The following ANKRD31 variants were observed in gnomAD, a reference collection of about 807,000 sequenced individuals.
ANKRD31 encodes ankyrin repeat domain 31, also known as ankyrin repeat domain-containing protein 31.
A neutral mutation model predicts 186.0 loss-of-function variants in ANKRD31; 147 were observed. That is an observed-to-expected ratio of 0.79 (90% CI 0.69 to 0.91). The LOEUF (loss-of-function observed/expected upper bound fraction) is 0.91, where lower values mean the gene tolerates loss of function less well. Among genes scored for constraint, ANKRD31 ranks in the 40% least tolerant of loss-of-function variants. The pLI is 0.00. For synonymous variants in ANKRD31, 673 were observed against 736.4 expected, an observed-to-expected ratio of 0.91 and a Z score of 1.39; for missense variants, 1,986 against 2,148.8, an observed-to-expected ratio of 0.92 and a Z score of 1.50.
At chr5:75,220,519 G>A (rs1169802637) in intron 3 of ANKRD31, among the ~76,000 whole-genome samples, 3 of 151,980 alleles carry the variant, frequency 2.0e-5, no homozygotes, top group South Asian at 2.1e-4. Flanking sequence ...GTGCATGCCT[G>A]TAATTCCAGC....
At chr5:75,099,858 CT>C (rs1470256545) in intron 22 of ANKRD31, among the ~76,000 whole-genome samples, 1 of 152,098 alleles carries the variant, frequency 6.6e-6, no homozygotes, top group African/African-American at 2.4e-5. Flanking sequence ...TTTTGTTGAT[CT>C]TTTCAAAAAA....
At chr5:75,173,131 A>T (rs1753482034) in intron 10 of ANKRD31, among the ~76,000 whole-genome samples, 1 of 152,182 alleles carries the variant, frequency 6.6e-6, no homozygotes, top group Non-Finnish European at 1.5e-5. Flanking sequence ...AACCACTGAC[A>T]CAAACCCCAT....
chr5:75,155,504 G>C (rs1020035635), intron 11 of ANKRD31, among the ~76,000 whole-genome samples: 1 of 152,080 alleles, frequency 6.6e-6, no homozygotes, highest in African/African-American at 2.4e-5. Flanking sequence ...TGTTTAAGTT[G>C]CTTCGAAGCT....
At chr5:75,125,703 A>T (rs925596873) in intron 17 of ANKRD31, among the ~76,000 whole-genome samples, 1 of 152,220 alleles carries the variant, frequency 6.6e-6, no homozygotes, top group Non-Finnish European at 1.5e-5. Flanking sequence ...CAGCTCAGAG[A>T]CACTGGGACC....
intron 15 of ANKRD31, among the ~76,000 whole-genome samples, chr5:75,142,847 T>G (rs1309419072): frequency 6.6e-6 from 1 of 152,142 alleles, no homozygotes; most frequent in East Asian, 1.9e-4. Flanking sequence ...CTCAAGTGGC[T>G]TACAGTCTGG....
rs762409200 is a variant in ANKRD31 at position 75,236,621 on chromosome 5, C to T, written c.66G>A (p.Thr22=). ...SDETVIEGSV[T]ESDLEEKELP... ...GCTCCTTTTCTTCCAGGTCGCTCTCCGTCACTGAACCCTCTATCACAGTTT... is the reference window on the plus strand; with the variant it reads ...GCTCCTTTTCTTCCAGGTCGCTCTCTGTCACTGAACCCTCTATCACAGTTT... Residue 22 remains threonine (T), a synonymous_variant, in exon 1 of 26, where the codon ACG becomes ACA. Coordinates refer to ENST00000506364, the MANE Select transcript of ANKRD31 (RefSeq NM_001372053.1). 8.5e-6 allele frequency: 13 copies of T among 1,537,282 alleles called. No individual in the cohort carries two copies. The highest frequency in any genetic ancestry group is 1.0e-5 in the Non-Finnish European group (12 of 1,146,876).
chr5:75,176,313 CACAG>C (rs995392524), intron 10 of ANKRD31, among the ~76,000 whole-genome samples: 9 of 152,168 alleles, frequency 5.9e-5, no homozygotes, highest in African/African-American at 1.9e-4. Context: ...GGGGACAGGG[CACAG>C]ACAAACAAAA....
intron 22 of ANKRD31, among the ~76,000 whole-genome samples, chr5:75,094,557 A>G (rs1386510744): frequency 6.6e-6 from 1 of 152,196 alleles, no homozygotes; most frequent in Non-Finnish European, 1.5e-5. Context: ...CATTAAAGAA[A>G]TTAGAATTCT....
intron 17 of ANKRD31, among the ~76,000 whole-genome samples, chr5:75,130,867 C>T (rs1369143308): frequency 3.9e-5 from 6 of 152,244 alleles, no homozygotes; most frequent in African/African-American, 7.2e-5. Flanking sequence ...CACTGGCACT[C>T]ACCACGGGAC....
At chr5:75,105,831 T>C (rs1395285139) in intron 21 of ANKRD31, among the ~76,000 whole-genome samples, 1 of 152,184 alleles carries the variant, frequency 6.6e-6, no homozygotes, top group Non-Finnish European at 1.5e-5. Flanking sequence ...GAGGAAAGCA[T>C]CATTCTGTGT....
chr5:75,122,739 T>C (rs542059143), intron 17 of ANKRD31, among the ~76,000 whole-genome samples: 9 of 152,206 alleles, frequency 5.9e-5, no homozygotes, highest in African/African-American at 2.2e-4. Flanking sequence ...CATCCCCTCA[T>C]GATAAAAACT....
At chr5:75,233,707 G>A (rs1758087118) in intron 1 of ANKRD31, among the ~76,000 whole-genome samples, 1 of 152,076 alleles carries the variant, frequency 6.6e-6, no homozygotes, top group African/African-American at 2.4e-5. Context: ...CTTGAAGTCA[G>A]GAGTTCGAGA....
At chr5:75,235,592 T>C (rs1016074946) in intron 1 of ANKRD31, among the ~76,000 whole-genome samples, 1 of 151,928 alleles carries the variant, frequency 6.6e-6, no homozygotes, top group Admixed American at 6.6e-5. Flanking sequence ...TGCCAGAAGG[T>C]ATAGGACAAA....
At chr5:75,162,395 C>T (rs10045375) in intron 11 of ANKRD31, among the ~76,000 whole-genome samples, 69,342 of 152,036 alleles carry the variant, frequency 0.46, 17,464 homozygotes, top group African/African-American at 0.68. Context: ...TTTGGAATGG[C>T]TGTATTTACC....
chr5:75,081,742 G>A (rs969636927), intron 24 of ANKRD31, among the ~76,000 whole-genome samples: 10 of 151,266 alleles, frequency 6.6e-5, no homozygotes, highest in Non-Finnish European at 1.0e-4. Context: ...GAGAGAAAGG[G>A]ATGGAGCAAC....
In ANKRD31 at chr5:75,104,568, T is replaced by C; in HGVS notation, c.4991A>G (p.Asp1664Gly). Reference sequence around the variant, plus strand: ...GGGATCATAATTGGAAAGGTCCTGATCACAAATAATATTTGATGGATGGGC... The same window carrying C: ...GGGATCATAATTGGAAAGGTCCTGACCACAAATAATATTTGATGGATGGGC... The part of the protein sequence containing the change: ...NAAHPSNIIC[D>G]QDLSNYDPKR... Residue 1664 changes from aspartate (D) to glycine (G), a missense_variant, in exon 22 of 26, where the codon GAT becomes GGT. Transcript: ENST00000506364. 6.5e-7 allele frequency: 1 copy of C among 1,536,470 alleles called. No individual in the cohort carries two copies. The highest frequency in any genetic ancestry group is 1.2e-5 in the South Asian group (1 of 83,828).
At chr5:75,135,818 T>C (rs1489334023) in intron 17 of ANKRD31, among the ~76,000 whole-genome samples, 2 of 151,846 alleles carry the variant, frequency 1.3e-5, no homozygotes, top group Non-Finnish European at 2.9e-5. Flanking sequence ...CCAAAACAGA[T>C]ACATAGACCA....
chr5:75,220,634 C>G (rs534183888), intron 3 of ANKRD31, among the ~76,000 whole-genome samples: 19 of 125,022 alleles, frequency 1.5e-4, no homozygotes, highest in African/African-American at 6.8e-4. Flanking sequence ...AAGAGCAAAA[C>G]TCCGTCTCAA....
chr5:75,114,696 A>G (rs1580352684), intron 19 of ANKRD31, among the ~76,000 whole-genome samples: 1 of 152,314 alleles, frequency 6.6e-6, no homozygotes, highest in East Asian at 1.9e-4. Context: ...AATCCAACTT[A>G]CAAGGGATGT....
Sources: allele counts gnomAD v4.1 joint callset (sites outside exome capture counted in the v4.1 genomes callset), GRCh38; gene constraint gnomAD v4.1.1; transcripts MANE v1.5; gene names NCBI Gene and HGNC (gene_info 2026-07-23, HGNC 2026-07-21).